The following DVL1 variants were observed in gnomAD, a reference collection of about 807,000 sequenced individuals.
The protein encoded by DVL1 is dishevelled segment polarity protein 1, also known as segment polarity protein dishevelled homolog DVL-1.
In DVL1, 49 loss-of-function variants were observed where a neutral mutation model predicts 65.0. That is an observed-to-expected ratio of 0.75 (90% CI 0.60 to 0.96). The LOEUF (loss-of-function observed/expected upper bound fraction) is 0.96. Among genes scored for constraint, DVL1 ranks in the 40% least tolerant of loss-of-function variants. The probability of loss-of-function intolerance (pLI) is 0.00; values close to 1 mark genes in which losing one functional copy is unlikely to be tolerated. For synonymous variants in DVL1, 608 were observed against 433.9 expected, an observed-to-expected ratio of 1.40 and a Z score of -4.99; for missense variants, 1,197 against 1,045.4, an observed-to-expected ratio of 1.15 and a Z score of -2.00.
chr1:1,337,711 AC>A (rs1431476306), intron 14 of DVL1: 1 of 667,682 alleles, frequency 1.5e-6, no homozygotes, highest in Admixed American at 2.1e-5. Flanking sequence ...CCTGTGTGAG[AC>A]GCTTCCCTGT....
chr1:1,340,385 C>T lies in DVL1; in HGVS notation c.699+25G>A, dbSNP rs761693635. ...GACACTGACTTCGCCTCCCCAGCCC[C>T]GCCCTGCTCCACCCGGCTGCCTACC... On this transcript the variant is annotated intron_variant, in intron 6 of 14. Transcript: ENST00000378888. 2.6e-5 allele frequency: 42 copies of T among 1,612,604 alleles called. 1 individual carries two copies. The Admixed American group carries it at 5.5e-4, about 21-fold the overall frequency.
In DVL1 at chr1:1,349,019, G is replaced by C; in HGVS notation, c.47C>G (p.Pro16Arg). Residue 16 changes from proline (P) to arginine (R), a missense_variant, in exon 1 of 15, where the codon CCG (proline) becomes CGG (arginine). Coordinates refer to ENST00000378888, the MANE Select transcript of DVL1 (RefSeq NM_001330311.2). This position sits in a 1 kb window ranked among gnomAD's most constrained non-coding sequence, Gnocchi z 4.1. Reference protein sequence around the residue: ...IIYHMDEEETPYLVKLPVAPE... With the variant: ...IIYHMDEEETRYLVKLPVAPE... The stretch of plus-strand genomic sequence containing the variant: ...GGCCACGGGCAGCTTGACCAGGTAC[G>C]GCGTCTCCTCCTCGTCCATGTGGTA... The C allele has an allele frequency of 6.4e-7, 1 of 1,569,264 alleles. No homozygotes were observed.
At chr1:1,348,386 G>C (rs1341192507) in intron 1 of DVL1, among the ~76,000 whole-genome samples, 1 of 152,208 alleles carries the variant, frequency 6.6e-6, no homozygotes, top group Admixed American at 6.5e-5. Flanking sequence ...GTCACCAGTG[G>C]CCCTTGACCT....
chr1:1,340,396 A>G lies in DVL1; in HGVS notation c.699+14T>C, dbSNP rs779362620. Reference sequence around the variant, plus strand: ...CGCCTCCCCAGCCCCGCCCTGCTCCACCCGGCTGCCTACCCGGTCCGCCTG... The same window carrying G: ...CGCCTCCCCAGCCCCGCCCTGCTCCGCCCGGCTGCCTACCCGGTCCGCCTG... On this transcript the variant is annotated intron_variant, in intron 6 of 14. Transcript: ENST00000378888. The G allele has an allele frequency of 4.2e-5, 68 of 1,604,812 alleles. No homozygotes were observed. Among genetic ancestry groups the G allele is most frequent in the Non-Finnish European group, 5.8e-5 (68 of 1,176,178 alleles).
At chr1:1,343,685 C>T (rs1643879348) in intron 1 of DVL1, among the ~76,000 whole-genome samples, 1 of 152,176 alleles carries the variant, frequency 6.6e-6, no homozygotes, top group Non-Finnish European at 1.5e-5. Flanking sequence ...GTCAGGCTCA[C>T]AGTCCACCTA....
At position 1,340,151 on chromosome 1, in the gene DVL1, T is replaced by A; in HGVS notation, c.796A>T (p.Ile266Phe). The A allele has an allele frequency of 6.2e-7, 1 of 1,613,656 alleles. No homozygotes were observed. The highest frequency in any genetic ancestry group is 8.5e-7 in the Non-Finnish European group (1 of 1,179,964). Residue 266 changes from isoleucine to phenylalanine, a missense_variant, in exon 8 of 15, where the codon ATC becomes TTC. Physicochemically the swap from Ile to Phe is conservative, Grantham distance 21. Coordinates refer to ENST00000378888, the MANE Select transcript of DVL1 (RefSeq NM_001330311.2). ...CCACGGTCGTTGCTCTGCCCCACGA[T>A]GCTGATGCCCAGAAAGTGATGTCTT... The part of the protein sequence containing the change: ...MERHHFLGIS[I>F]VGQSNDRGDG...
chr1:1,347,439 G>A (rs1473052859), intron 1 of DVL1, among the ~76,000 whole-genome samples: 6 of 152,148 alleles, frequency 3.9e-5, no homozygotes, highest in Non-Finnish European at 8.8e-5. Context: ...CTCTGCCCTG[G>A]GCAGCCCCCG....
intron 14 of DVL1, 61 bp from the exon 15 acceptor site, chr1:1,336,576 A>C: frequency 6.8e-7 from 1 of 1,468,308 alleles, no homozygotes; most frequent in Non-Finnish European, 8.9e-7. Context: ...CACGTCCAGA[A>C]CAACCGCCCC....
At position 1,340,477 on chromosome 1, in the gene DVL1, G is replaced by A. The variant is rs1482831644; in HGVS notation, c.632C>T (p.Thr211Ile). Residue 211 changes from threonine to isoleucine, a missense_variant, in exon 6 of 15, where the codon ACC becomes ATC. By Grantham distance (89) the Thr-to-Ile change is moderately conservative. Transcript: ENST00000378888. ...GTGCTTCCGGATGAGTCTGGATGAGGTGCTCTGCTCCGTGGAGCTGCTGAG... is the reference window on the plus strand; with the variant it reads ...GTGCTTCCGGATGAGTCTGGATGAGATGCTCTGCTCCGTGGAGCTGCTGAG... ...SRLSSSTEQS[T>I]SSRLIRKHKR... 3.7e-6 allele frequency: 6 copies of A among 1,609,932 alleles called. No individual in the cohort carries two copies. In the East Asian group the frequency reaches 6.7e-5, roughly 18 times the overall value.
rs747052391 is a variant in DVL1 at position 1,336,138 on chromosome 1, C to T, written c.*4G>A. Reference sequence around the variant, plus strand: ...TCAGGCAGGGCTGGGGCATGCGCCACGAGTCACATGATGTCCACGAAGAAC... The same window carrying T: ...TCAGGCAGGGCTGGGGCATGCGCCATGAGTCACATGATGTCCACGAAGAAC... On this transcript the variant is annotated 3_prime_UTR_variant, in exon 15 of 15. Transcript: ENST00000378888. The T allele has an allele frequency of 2.2e-5, 35 of 1,573,690 alleles. No homozygotes were observed. The highest frequency in any genetic ancestry group is 3.5e-5 in the Admixed American group (2 of 56,940).
Position 1,342,048 on chromosome 1 carries a change from T to C in DVL1, c.466+5A>G, listed in dbSNP as rs1469602957. 4.5e-6 allele frequency: 7 copies of C among 1,569,380 alleles called. No individual in the cohort carries two copies. The highest frequency in any genetic ancestry group is 2.7e-5 in the African/African-American group (2 of 74,160). ...TCCACAGCTGGGCAGACATGACCAC[T>C]GTACCCTCCTCGCGGTTCCGGCGTC... On this transcript the variant is annotated splice_donor_5th_base_variant and intron_variant, in intron 4 of 14. Transcript: ENST00000378888.
chr1:1,347,444 C>T (rs1210621259), intron 1 of DVL1, among the ~76,000 whole-genome samples: 1 of 152,154 alleles, frequency 6.6e-6, no homozygotes, highest in African/African-American at 2.4e-5. Flanking sequence ...CCCTGGGCAG[C>T]CCCCGGTGGG....
chr1:1,335,777 C>T lies in DVL1; in HGVS notation c.*365G>A, dbSNP rs1224384099. The T allele has an allele frequency of 1.4e-5, 4 of 277,574 alleles. No homozygotes were observed. Among genetic ancestry groups the T allele is most frequent in the East Asian group, 8.9e-5 (1 of 11,268 alleles). 17.2% of individuals were successfully genotyped at this position (277,574 alleles called of 1,614,324 possible). A position where few individuals can be genotyped will look rare whatever the true frequency, so the allele number is the denominator to read the frequency against. ...TACTCCAGACAGGGGGCCTGTGCAC[C>T]GCAGGGGGTTGCCCCGCATGGACCA... On this transcript the variant is annotated 3_prime_UTR_variant, in exon 15 of 15. Coordinates refer to ENST00000378888, the MANE Select transcript of DVL1 (RefSeq NM_001330311.2).
chr1:1,338,482 C>A (rs1643668445), intron 12 of DVL1, 40 bp downstream of exon 12: 1 of 1,610,708 alleles, frequency 6.2e-7, no homozygotes, highest in African/African-American at 1.3e-5. Flanking sequence ...GCAAGCAGCC[C>A]TGCCCCTGGC....
Position 1,339,454 on chromosome 1 carries a change from C to G in DVL1, c.1055-15G>C, listed in dbSNP as rs550126985. On this transcript the variant is annotated splice_polypyrimidine_tract_variant and intron_variant, in intron 10 of 14. Transcript: ENST00000378888. ...CACCGGGTCAGCTGGGTGGCCGCCA[C>G]GTGGCGATGACAGGCGGACAGATGG... The G allele has an allele frequency of 2.4e-6, 3 of 1,275,198 alleles. No individual in the cohort carries two copies. Among genetic ancestry groups the G allele is most frequent in the Non-Finnish European group, 2.1e-6 (2 of 962,988 alleles). The allele number at this position is 1,275,198 out of a possible 1,614,324, so 79.0% of individuals were successfully genotyped here.
At chr1:1,347,648 C>T (rs1267079452) in intron 1 of DVL1, among the ~76,000 whole-genome samples, 2 of 152,232 alleles carry the variant, frequency 1.3e-5, no homozygotes, top group East Asian at 3.8e-4. Flanking sequence ...GACACATGCC[C>T]CATGCTCAAG....
At chr1:1,346,015 G>A (rs998676388) in intron 1 of DVL1, among the ~76,000 whole-genome samples, 1 of 152,160 alleles carries the variant, frequency 6.6e-6, no homozygotes, top group East Asian at 1.9e-4. Flanking sequence ...TCCCTGCTAG[G>A]CCATGGCTAT....
chr1:1,341,966 G>T lies in DVL1; in HGVS notation c.466+87C>A, dbSNP rs1393500071. On this transcript the variant is annotated intron_variant, in intron 4 of 14. Coordinates refer to ENST00000378888, the MANE Select transcript of DVL1 (RefSeq NM_001330311.2). ...CACCCAAGCACCGCCACTGGCTGGG[G>T]GACAGGAACTGCTGTAGTAGGAACA... 47 of 1,457,854 alleles carry T rather than the reference G, an allele frequency of 3.2e-5. 1 individual carries two copies. In the South Asian group the frequency reaches 6.2e-4, roughly 19 times the overall value. 90.3% of individuals were successfully genotyped at this position (1,457,854 alleles called of 1,614,324 possible).
At chr1:1,338,467 T>C (rs759737026) in intron 12 of DVL1, 31 bp from the exon 13 acceptor site, 18 of 1,608,586 alleles carry the variant, frequency 1.1e-5, no homozygotes, top group Non-Finnish European at 1.5e-5. Context: ...GCCCGCAGCC[T>C]CGAGGCAAGC....
Sources: gnomAD v4.1 joint callset for allele counts (sites outside exome capture counted in the v4.1 genomes callset) on GRCh38, gnomAD v4.1.1 for gene constraint, Gnocchi (gnomAD v3.1) non-coding constraint, MANE v1.5 for transcripts, NCBI Gene and HGNC (gene_info 2026-07-23, HGNC 2026-07-21) for gene names.